The following SHROOM3 variants were observed in gnomAD, a reference collection of about 807,000 sequenced individuals.
SHROOM3 encodes the protein shroom family member 3.
In SHROOM3, 47 loss-of-function variants were observed where a neutral mutation model predicts 138.6. The ratio of observed to expected loss-of-function variants is 0.34; its 90% CI spans 0.27 to 0.43. SHROOM3 has a LOEUF of 0.43. Among genes scored for constraint, SHROOM3 ranks in the 20% least tolerant of loss-of-function variants. The pLI, the probability that SHROOM3 is intolerant of heterozygous loss-of-function variation, is 1.00. For missense variants in SHROOM3, 2,491 were observed against 2,596.5 expected (o/e 0.96, Z 0.88); for synonymous variants, 1,062 against 1,063.3 (o/e 1.00, Z 0.02).
intron 1 of SHROOM3, among the ~76,000 whole-genome samples, chr4:76,464,222 C>T (rs145431486): frequency 6.6e-6 from 1 of 152,326 alleles, no homozygotes; most frequent in African/African-American, 2.4e-5. Context: ...CTTGCATCAG[C>T]ATGACTTGGA....
chr4:76,550,392 G>A (rs952409746), intron 1 of SHROOM3, among the ~76,000 whole-genome samples: 1 of 152,170 alleles, frequency 6.6e-6, no homozygotes, highest in Non-Finnish European at 1.5e-5. Flanking sequence ...TATGACAAAG[G>A]TAGTGACTGA....
chr4:76,690,947 A>G (rs966389864), intron 2 of SHROOM3, among the ~76,000 whole-genome samples: 2 of 152,254 alleles, frequency 1.3e-5, no homozygotes, highest in East Asian at 1.9e-4. Flanking sequence ...ATAACCAACA[A>G]TAACTTATTC....
chr4:76,440,700 A>G (rs1303153295), intron 1 of SHROOM3, among the ~76,000 whole-genome samples: 1 of 152,150 alleles, frequency 6.6e-6, no homozygotes, highest in African/African-American at 2.4e-5. Context: ...AAGGTAGGCC[A>G]CTGCCCTGGT....
rs541994429 is a variant in SHROOM3 at position 76,653,949 on chromosome 4, G to T, written c.324-56207G>T. Reference sequence around the variant, plus strand: ...GGGATACAAAGATGAGTAAGGCATGGTTTTTGCCTTAAATAGAAGACTCTA... The same window carrying T: ...GGGATACAAAGATGAGTAAGGCATGTTTTTTGCCTTAAATAGAAGACTCTA... On this transcript the variant is annotated intron_variant, in intron 2 of 10. Coordinates refer to ENST00000296043, the MANE Select transcript of SHROOM3 (RefSeq NM_020859.4). Among the ~76,000 whole-genome samples the T allele has an allele frequency of 2.0e-5, 3 of 152,278 alleles. No individual in the cohort carries two copies. The East Asian group carries it at 5.8e-4, about 29-fold the overall frequency.
Position 76,612,455 on chromosome 4 carries a change from A to T in SHROOM3, c.323+56692A>T, listed in dbSNP as rs549191809. ...AATTGAGAATGAATCCCAGGGCCCA[A>T]CATTATGAGATGCTAAGTAGCTTCT... On this transcript the variant is annotated intron_variant, in intron 2 of 10. Transcript: ENST00000296043. 2.0e-5 allele frequency among the ~76,000 whole-genome samples: 3 copies of T among 152,298 alleles called. No individual in the cohort carries two copies. The South Asian group carries it at 6.2e-4, about 32-fold the overall frequency.
chr4:76,666,715 A>G (rs944859484), intron 2 of SHROOM3, among the ~76,000 whole-genome samples: 4 of 152,212 alleles, frequency 2.6e-5, no homozygotes, highest in Non-Finnish European at 4.4e-5. Flanking sequence ...CAATTCTTAT[A>G]TCTTAATTTC....
In SHROOM3 at chr4:76,741,489, C is replaced by T. The variant is rs1230610291; in HGVS notation, c.3316C>T (p.Leu1106Phe). The T allele has an allele frequency of 1.3e-6, 2 of 1,557,544 alleles. No homozygotes were observed. Among genetic ancestry groups the T allele is most frequent in the Non-Finnish European group, 1.7e-6 (2 of 1,155,984 alleles). ...GCCTACCTCCGCCGCCGGCTGCAGC[C>T]TCCAGGAGCCCGGGCCACTGCGTGA... ...KRPTSAAGCS[L>F]QEPGPLRERA... The change falls in exon 5 of 11, where the codon CTC (leucine) becomes TTC (phenylalanine). Residue 1106 changes from leucine (L) to phenylalanine (F), a missense_variant. Leu to Phe is a conservative substitution (Grantham distance 22). This residue lies in a region of SHROOM3 where 1,733 missense variants were observed against 1,661.6 expected (regional missense o/e 1.04). Coordinates refer to ENST00000296043, the MANE Select transcript of SHROOM3 (RefSeq NM_020859.4). This position sits in a 1 kb window ranked among gnomAD's most constrained non-coding sequence, Gnocchi z 6.2.
rs1733472792 is a variant in SHROOM3, at chr4:76,555,775, AC to A, written c.323+17del. 6.2e-7 allele frequency: 1 copy of A among 1,608,404 alleles called. No homozygotes were observed. The highest frequency in any genetic ancestry group is 8.5e-7 in the Non-Finnish European group (1 of 1,179,226). On this transcript the variant is annotated intron_variant, in intron 2 of 10. Transcript: ENST00000296043. ...CTGGTAGTGCGCAGGTAGGTGGCAG[AC>A]CCCCACCCTGTCCCTCCTACCACCT... is the stretch of plus-strand genomic sequence containing the variant.
chr4:76,726,527 C>A (rs1033788037), intron 3 of SHROOM3, among the ~76,000 whole-genome samples: 1 of 141,214 alleles, frequency 7.1e-6, no homozygotes, highest in Admixed American at 7.3e-5. Context: ...CTCTCCACTC[C>A]CATCCCCTCC....
At chr4:76,676,738 G>A (rs1020957795) in intron 2 of SHROOM3, among the ~76,000 whole-genome samples, 2 of 151,960 alleles carry the variant, frequency 1.3e-5, no homozygotes, top group African/African-American at 2.4e-5. Flanking sequence ...CCCTTGGAGA[G>A]CGAGACCATC....
At chr4:76,465,153 T>G (rs969805238) in intron 1 of SHROOM3, among the ~76,000 whole-genome samples, 1 of 152,228 alleles carries the variant, frequency 6.6e-6, no homozygotes, top group Admixed American at 6.5e-5. Flanking sequence ...TCCACATTAT[T>G]TGTTTATCTG....
At chr4:76,630,158 G>A (rs772292147) in intron 2 of SHROOM3, among the ~76,000 whole-genome samples, 11 of 152,122 alleles carry the variant, frequency 7.2e-5, no homozygotes, top group Non-Finnish European at 1.5e-4. Flanking sequence ...TTCATACCAC[G>A]TACAGCTTGA....
intron 2 of SHROOM3, among the ~76,000 whole-genome samples, chr4:76,693,820 C>CTT (rs71212443): frequency 7.1e-6 from 1 of 141,620 alleles, no homozygotes; most frequent in Admixed American, 7.0e-5. Flanking sequence ...AGGCAAACTC[C>CTT]TTTTTTTTTT....
intron 2 of SHROOM3, among the ~76,000 whole-genome samples, chr4:76,642,589 A>T (rs984449929): frequency 6.6e-6 from 1 of 152,194 alleles, no homozygotes; most frequent in East Asian, 1.9e-4. Context: ...GGATGAGGCC[A>T]ATGTGTGAAG....
intron 2 of SHROOM3, among the ~76,000 whole-genome samples, chr4:76,667,966 C>CAAAAAAAAAAAAAAAAAAA (rs747974205): frequency 9.6e-5 from 6 of 62,556 alleles, no homozygotes; most frequent in Non-Finnish European, 1.2e-4. Context: ...GACTCCCTCT[C>CAAAAAAAAAAAAAAAAAAA]AAAAAAAAAA....
chr4:76,668,162 G>A (rs1319776798), intron 2 of SHROOM3, among the ~76,000 whole-genome samples: 1 of 151,880 alleles, frequency 6.6e-6, no homozygotes, highest in African/African-American at 2.4e-5. Flanking sequence ...AGACTCCGGC[G>A]CTCCCCATGG....
Position 76,740,863 on chromosome 4 carries a change from A to C in SHROOM3, c.2690A>C (p.Glu897Ala), listed in dbSNP as rs754651350. Residue 897 changes from glutamate (E) to alanine (A), a missense_variant, in exon 5 of 11, where the codon GAG becomes GCG. Glu to Ala is a moderately radical substitution (Grantham distance 107, BLOSUM62 -1). Coordinates refer to ENST00000296043, the MANE Select transcript of SHROOM3 (RefSeq NM_020859.4). The surrounding 1 kb of genome is among the most constrained non-coding windows in gnomAD (Gnocchi z 4.0). Reference protein sequence around the residue: ...RSQSTFQLSSEPEREPEWRDR... With the variant: ...RSQSTFQLSSAPEREPEWRDR... ...CAGAGCACCTTCCAGCTCTCCAGCG[A>C]GCCAGAGAGGGAGCCCGAGTGGCGG... is the stretch of plus-strand genomic sequence containing the variant. 1.0e-5 allele frequency: 16 copies of C among 1,558,822 alleles called. No individual in the cohort carries two copies. The highest frequency in any genetic ancestry group is 1.3e-5 in the Non-Finnish European group (15 of 1,155,332).
Position 76,738,760 on chromosome 4 carries a change from G to C in SHROOM3, c.588-1G>C, listed in dbSNP as rs1212581141. On this transcript the variant is annotated splice_acceptor_variant, in intron 4 of 10. Transcript: ENST00000296043. LOFTEE classifies it high-confidence loss of function. Reference sequence around the variant, plus strand: ...TACTGACTGCTTTGTCTTTCTTCCAGCTCCTCTACTAGTGACCTCTCCAAC... The same window carrying C: ...TACTGACTGCTTTGTCTTTCTTCCACCTCCTCTACTAGTGACCTCTCCAAC... 1 of 1,614,176 alleles carries C rather than the reference G, an allele frequency of 6.2e-7. No individual in the cohort carries two copies. Among genetic ancestry groups the C allele is most frequent in the South Asian group, 1.1e-5 (1 of 91,044 alleles).
chr4:76,739,092 G>T lies in SHROOM3; in HGVS notation c.919G>T (p.Val307Phe), dbSNP rs775139022. 18 of 1,614,134 alleles carry T rather than the reference G, an allele frequency of 1.1e-5. No individual in the cohort carries two copies. In the Admixed American group the frequency reaches 2.0e-4, roughly 18 times the overall value. The change falls in exon 5 of 11, where the codon GTC (valine) becomes TTC (phenylalanine). Residue 307 changes from valine to phenylalanine, a missense_variant. Transcript: ENST00000296043. ...GATGAGGCAGGCAGATATTCGCTAT[G>T]TCAAGACAGTCTATGACACCCGGAG... ...EGMRQADIRY[V>F]KTVYDTRRGV...
Sources: gnomAD v4.1 joint callset for allele counts (sites outside exome capture counted in the v4.1 genomes callset) on GRCh38, gnomAD v4.1.1 for gene constraint, gnomAD v4.1.1 regional missense constraint, Gnocchi (gnomAD v3.1) non-coding constraint, MANE v1.5 for transcripts, NCBI Gene and HGNC (gene_info 2026-07-23, HGNC 2026-07-21) for gene names.